NAV2: variants seen among roughly 807,000 people sequenced by gnomAD.
The protein encoded by NAV2 is helicase, APC down-regulated 1.
NAV2 carries 54 observed loss-of-function variants against 223.2 expected under a neutral mutation model. The ratio of observed to expected loss-of-function variants is 0.24; its 90% CI spans 0.19 to 0.30. NAV2 has a LOEUF of 0.30. Ranked by LOEUF, NAV2 falls within the 10% of genes least tolerant of loss-of-function variation. The pLI is 1.00. For synonymous variants in NAV2, 1,279 were observed against 1,239.3 expected (o/e 1.03, Z -0.67); for missense variants, 2,806 against 3,147.5 (o/e 0.89, Z 2.60).
intron 1 of NAV2, among the ~76,000 whole-genome samples, chr11:19,357,265 AT>A (rs1853673827): frequency 6.6e-6 from 1 of 152,176 alleles, no homozygotes; most frequent in Non-Finnish European, 1.5e-5. Context: ...GTCATTATTT[AT>A]TCCTTTCTTA....
At chr11:19,531,791 G>A (rs902464439) in intron 1 of NAV2, among the ~76,000 whole-genome samples, 6 of 152,168 alleles carry the variant, frequency 3.9e-5, no homozygotes, top group African/African-American at 1.4e-4. Flanking sequence ...AAACCAAAGA[G>A]GCCACTGACT....
At chr11:19,971,117 G>C (rs996681591) in intron 10 of NAV2, among the ~76,000 whole-genome samples, 4 of 152,168 alleles carry the variant, frequency 2.6e-5, no homozygotes, top group African/African-American at 9.7e-5. Flanking sequence ...AAGTGTTTTA[G>C]TCATTGAGAG....
intron 8 of NAV2, among the ~76,000 whole-genome samples, chr11:19,943,758 A>G (rs1261986784): frequency 6.6e-6 from 1 of 152,142 alleles, no homozygotes; most frequent in Non-Finnish European, 1.5e-5. Context: ...ACGCTTGAAA[A>G]TAGTCCTAGG....
intron 1 of NAV2, among the ~76,000 whole-genome samples, chr11:19,353,690 T>G (rs1207284651): frequency 6.6e-6 from 1 of 152,178 alleles, no homozygotes; most frequent in Non-Finnish European, 1.5e-5. Context: ...GGGCTTTCTT[T>G]TTTTCCTTTT....
intron 1 of NAV2, among the ~76,000 whole-genome samples, chr11:19,554,570 T>C (rs1662664549): frequency 1.3e-5 from 2 of 152,248 alleles, no homozygotes; most frequent in South Asian, 4.1e-4. Context: ...CTCTGCTGTT[T>C]GTGGGCTTTG....
At chr11:19,959,857 T>C (rs573334105) in intron 10 of NAV2, among the ~76,000 whole-genome samples, 2 of 152,192 alleles carry the variant, frequency 1.3e-5, no homozygotes, top group African/African-American at 4.8e-5. Context: ...CTTAGCAAGG[T>C]GCTCCTTCTT....
At chr11:20,049,290 C>A in intron 15 of NAV2, 95 bp downstream of exon 15, 1 of 941,348 alleles carries the variant, frequency 1.1e-6, no homozygotes. Flanking sequence ...ATAGCCTTTG[C>A]CTGTAAGATT....
intron 10 of NAV2, among the ~76,000 whole-genome samples, chr11:19,951,769 A>G (rs11025337): frequency 0.55 from 83,985 of 152,060 alleles, 25,438 homozygotes; most frequent in East Asian, 0.73. Flanking sequence ...ACCTTTGCTT[A>G]AAAGCACCGA....
chr11:19,585,297 G>A (rs2045858891), intron 1 of NAV2, among the ~76,000 whole-genome samples: 1 of 152,132 alleles, frequency 6.6e-6, no homozygotes, highest in African/African-American at 2.4e-5. Flanking sequence ...TGGGTTTCCT[G>A]AATACAGCAC....
chr11:19,833,582 G>A (rs2060066895), intron 2 of NAV2, among the ~76,000 whole-genome samples: 1 of 152,244 alleles, frequency 6.6e-6, no homozygotes, highest in East Asian at 1.9e-4. Flanking sequence ...TCCTCTCCCT[G>A]TATTAGTTTT....
At chr11:19,951,124 G>A (rs1340770441) in intron 10 of NAV2, among the ~76,000 whole-genome samples, 1 of 152,156 alleles carries the variant, frequency 6.6e-6, no homozygotes, top group African/African-American at 2.4e-5. Flanking sequence ...ACTGGCTTTG[G>A]GGAAAAAGGG....
At chr11:19,467,006 CACACACACACACAGAG>C (rs969145611) in intron 1 of NAV2, among the ~76,000 whole-genome samples, 28 of 131,920 alleles carry the variant, frequency 2.1e-4, no homozygotes, top group African/African-American at 7.2e-4. Context: ...CACACACACA[CACACACACACACAGAG>C]AGAGAGAGAG....
At chr11:19,539,023 A>G (rs2044267103) in intron 1 of NAV2, among the ~76,000 whole-genome samples, 1 of 152,196 alleles carries the variant, frequency 6.6e-6, no homozygotes, top group East Asian at 1.9e-4. Flanking sequence ...ATGTTTGCTA[A>G]CAGTATGGCT....
chr11:19,619,002 T>A (rs551199915), intron 1 of NAV2, among the ~76,000 whole-genome samples: 396 of 7,094 alleles, frequency 0.056, 2 homozygotes, highest in African/African-American at 0.19. Context: ...AGTGAGAACA[T>A]GCGGTGTTTG....
chr11:19,657,198 A>G (rs2048151891), intron 1 of NAV2, among the ~76,000 whole-genome samples: 1 of 152,146 alleles, frequency 6.6e-6, no homozygotes, highest in South Asian at 2.1e-4. Context: ...GGCTCAACCT[A>G]GCCCTCTGGT....
chr11:19,806,979 G>A (rs2058600768), intron 1 of NAV2, among the ~76,000 whole-genome samples: 1 of 152,134 alleles, frequency 6.6e-6, no homozygotes, highest in Non-Finnish European at 1.5e-5. Flanking sequence ...CTACTGACTC[G>A]CACACTTCAA....
At chr11:19,637,139 TG>T (rs1399223860) in intron 1 of NAV2, among the ~76,000 whole-genome samples, 3 of 152,200 alleles carry the variant, frequency 2.0e-5, no homozygotes, top group Non-Finnish European at 4.4e-5. Flanking sequence ...TGCCACAGCC[TG>T]GGTTCTTGGG....
chr11:20,100,736 C>T (rs150750670), intron 31 of NAV2, among the ~76,000 whole-genome samples: 139 of 152,194 alleles, frequency 9.1e-4, no homozygotes, highest in African/African-American at 3.1e-3. Flanking sequence ...AAGCACATGG[C>T]GTTGATGAAC....
rs1035021484 is a variant in NAV2 at position 19,356,273 on chromosome 11, CA to C, written c.75+5247del. ...TTGAGACCTGACTCAGGTATAGGGT[CA>C]GGGGGGAGGATGGCAAAGGGGTCAG... On this transcript the variant is annotated intron_variant, in intron 1 of 37. Transcript: ENST00000360655. Among the ~76,000 whole-genome samples, 15 of 152,292 alleles carry C rather than the reference CA, an allele frequency of 9.8e-5. No homozygotes were observed. In the South Asian group the frequency reaches 1.5e-3, roughly 15 times the overall value.
Sources: allele counts gnomAD v4.1 joint callset (sites outside exome capture counted in the v4.1 genomes callset), GRCh38; gene constraint gnomAD v4.1.1; transcripts MANE v1.5; gene names NCBI Gene and HGNC (gene_info 2026-07-23, HGNC 2026-07-21).